Variants in SDK1 observed in about 807,000 individuals in gnomAD.
SDK1 encodes protein sidekick-1.
A neutral mutation model predicts 245.5 loss-of-function variants in SDK1; 157 were observed. That is an observed-to-expected ratio of 0.64 (90% CI 0.56 to 0.73). The LOEUF is 0.73. Among genes scored for constraint, SDK1 ranks in the 30% least tolerant of loss-of-function variants. SDK1 has a pLI of 0.00. For missense variants in SDK1, 3,583 were observed against 3,002.3 expected (o/e 1.19, Z -4.52); for synonymous variants, 1,647 against 1,278.5 (o/e 1.29, Z -6.15).
intron 5 of SDK1, among the ~76,000 whole-genome samples, chr7:3,948,019 A>G (rs1303613611): frequency 6.6e-6 from 1 of 152,120 alleles, no homozygotes; most frequent in Non-Finnish European, 1.5e-5. Context: ...ATTTAAAACA[A>G]TTTTTTAAAG....
At chr7:3,685,899 A>C (rs887320565) in intron 4 of SDK1, among the ~76,000 whole-genome samples, 1 of 152,158 alleles carries the variant, frequency 6.6e-6, no homozygotes, top group African/African-American at 2.4e-5. Context: ...TAACATGCAT[A>C]TCAATAATTA....
chr7:3,336,707 C>G (rs535417740), intron 1 of SDK1, among the ~76,000 whole-genome samples: 2 of 152,214 alleles, frequency 1.3e-5, no homozygotes, highest in South Asian at 4.1e-4. Context: ...GCTTTCCCTT[C>G]CCTGTGGTAG....
intron 1 of SDK1, among the ~76,000 whole-genome samples, chr7:3,524,500 C>G (rs570784429): frequency 6.6e-6 from 1 of 152,132 alleles, no homozygotes; most frequent in Admixed American, 6.5e-5. Context: ...CTATGCCAAA[C>G]AGGCCTTACT....
At position 3,582,015 on chromosome 7, in the gene SDK1, CCTGTCTCAGGTAGAT is replaced by C. The variant is rs1229869230; in HGVS notation, c.299-37051_299-37037del. 2.4e-4 allele frequency among the ~76,000 whole-genome samples: 37 copies of C among 151,268 alleles called. No individual in the cohort carries two copies. The East Asian group carries it at 4.1e-3, about 17-fold the overall frequency. ...AGGGTGGAAGCCTCCCTCAGGTAGG[CCTGTCTCAGGTAGAT>C]CTGTCTCAGGTAGGTCTCCCTCAGG... is the stretch of plus-strand genomic sequence containing the variant. On this transcript the variant is annotated intron_variant, in intron 1 of 44. Transcript: ENST00000404826.
At chr7:3,587,017 G>GGAA (rs140380632) in intron 1 of SDK1, among the ~76,000 whole-genome samples, 2,011 of 152,286 alleles carry the variant, frequency 0.013, 42 homozygotes, top group Non-Finnish European at 0.012. Flanking sequence ...AGGAGGAGGA[G>GGAA]GAAGGACCCT....
chr7:3,931,860 T>C (rs1355455992), intron 5 of SDK1, among the ~76,000 whole-genome samples: 1 of 152,246 alleles, frequency 6.6e-6, no homozygotes, highest in Non-Finnish European at 1.5e-5. Context: ...GGGAGAGGTT[T>C]GGTAGAAGTG....
At chr7:4,209,660 G>T (rs752220259) in intron 37 of SDK1, among the ~76,000 whole-genome samples, 81 of 152,206 alleles carry the variant, frequency 5.3e-4, no homozygotes, top group Non-Finnish European at 1.0e-3. Flanking sequence ...CCGTCTCTCC[G>T]GCAAAGAGCA....
At chr7:3,665,320 G>A (rs1783492256) in intron 4 of SDK1, among the ~76,000 whole-genome samples, 1 of 152,170 alleles carries the variant, frequency 6.6e-6, no homozygotes, top group Non-Finnish European at 1.5e-5. Context: ...AACAGTTTGA[G>A]CAGATTCTGC....
chr7:3,779,721 A>C (rs1433061473), intron 4 of SDK1, among the ~76,000 whole-genome samples: 1 of 151,864 alleles, frequency 6.6e-6, no homozygotes, highest in Non-Finnish European at 1.5e-5. Context: ...TCATGAGGTC[A>C]GGAGATCGAG....
intron 11 of SDK1, among the ~76,000 whole-genome samples, chr7:3,970,290 A>G (rs1267379803): frequency 6.6e-6 from 1 of 152,228 alleles, no homozygotes; most frequent in Non-Finnish European, 1.5e-5. Context: ...ATATTTGTCT[A>G]GCATTTTCTA....
chr7:4,233,385 CG>C lies in SDK1; in HGVS notation c.5962del (p.Glu1988SerfsTer26), dbSNP rs1785928173. 3 of 1,613,264 alleles carry C rather than the reference CG, an allele frequency of 1.9e-6. No homozygotes were observed. In the Admixed American group the frequency reaches 5.0e-5, roughly 27 times the overall value. On this transcript the variant is annotated frameshift_variant, in exon 41 of 45. Coordinates refer to ENST00000404826, the MANE Select transcript of SDK1 (RefSeq NM_152744.4). LOFTEE classifies it high-confidence loss of function. ...TGGTGGCTGTGAATGAGGCGGGCTA[CG>C]GGGAGCCCAGCAACCCCTCCACGGC... The part of the protein sequence containing the change: ...RVVAVNEAGY[G>X]EPSNPSTAVS...
intron 1 of SDK1, among the ~76,000 whole-genome samples, chr7:3,472,204 T>A (rs1054351616): frequency 6.6e-6 from 1 of 152,218 alleles, no homozygotes; most frequent in Non-Finnish European, 1.5e-5. Flanking sequence ...ATTTCTAGTT[T>A]TTTTAGATGT....
rs73296766 is a variant in SDK1 at position 3,465,964 on chromosome 7, T to C, written c.299-153116T>C. 9.2e-3 allele frequency among the ~76,000 whole-genome samples: 1,394 copies of C among 152,010 alleles called. 29 individuals carry two copies. Among genetic ancestry groups the C allele is most frequent in the African/African-American group, 0.031 (1,307 of 41,522 alleles). On this transcript the variant is annotated intron_variant, in intron 1 of 44. Coordinates refer to ENST00000404826, the MANE Select transcript of SDK1 (RefSeq NM_152744.4). ...TTGCTGTAATTTTCCATCACTCTTTTTGTTTGTTTGTTTTTCTGGAGTGAT... is the reference window on the plus strand; with the variant it reads ...TTGCTGTAATTTTCCATCACTCTTTCTGTTTGTTTGTTTTTCTGGAGTGAT...
intron 4 of SDK1, among the ~76,000 whole-genome samples, chr7:3,791,053 A>G (rs1008693632): frequency 7.2e-5 from 11 of 152,128 alleles, no homozygotes; most frequent in African/African-American, 2.7e-4. Flanking sequence ...AATTGGGTCT[A>G]ACAGCAGTGC....
chr7:3,854,673 A>T (rs1406693639), intron 5 of SDK1, among the ~76,000 whole-genome samples: 1 of 152,214 alleles, frequency 6.6e-6, no homozygotes, highest in East Asian at 1.9e-4. Context: ...ACAATTTAGT[A>T]TTTCTCTGCA....
rs1779263603 is a variant in SDK1 at position 3,301,684 on chromosome 7, C to A, written c.98C>A (p.Pro33His). 2.1e-5 allele frequency: 20 copies of A among 973,412 alleles called. No individual in the cohort carries two copies. In the South Asian group the frequency reaches 9.0e-4, roughly 44 times the overall value. 60.3% of individuals were successfully genotyped at this position (973,412 alleles called of 1,614,324 possible). A position where few individuals can be genotyped will look rare whatever the true frequency, so the allele number is the denominator to read the frequency against. Residue 33 changes from proline (P) to histidine (H), a missense_variant, in exon 1 of 45, where the codon CCC (proline) becomes CAC (histidine). Physicochemically the swap from Pro to His is moderately conservative, Grantham distance 77 (BLOSUM62 -2). Transcript: ENST00000404826. ...AGPGRPRGSP[P>H]GRARPSLAPR... ...CCCGGGCGGCCGCGGGGATCCCCGC[C>A]CGGCCGCGCCCGCCCCTCGCTGGCG...
intron 35 of SDK1, among the ~76,000 whole-genome samples, chr7:4,194,133 C>T (rs139579106): frequency 2.6e-5 from 4 of 152,028 alleles, no homozygotes; most frequent in Non-Finnish European, 5.9e-5. Flanking sequence ...TCTCTAGAAC[C>T]ACTCCTGGTA....
At chr7:3,681,569 A>G (rs1345397181) in intron 4 of SDK1, among the ~76,000 whole-genome samples, 1 of 152,206 alleles carries the variant, frequency 6.6e-6, no homozygotes, top group Non-Finnish European at 1.5e-5. Context: ...ATTTCTTTCA[A>G]TAACACTTAA....
intron 1 of SDK1, among the ~76,000 whole-genome samples, chr7:3,611,479 G>A (rs1449369109): frequency 6.6e-6 from 1 of 152,126 alleles, no homozygotes; most frequent in Non-Finnish European, 1.5e-5. Flanking sequence ...CCTTTTCTCA[G>A]CTTAGCAGAT....
Sources: gnomAD v4.1 joint callset for allele counts (sites outside exome capture counted in the v4.1 genomes callset) on GRCh38, gnomAD v4.1.1 for gene constraint, MANE v1.5 for transcripts, NCBI Gene and HGNC (gene_info 2026-07-23, HGNC 2026-07-21) for gene names.